Variants in NCALD observed in about 807,000 individuals in gnomAD.
NCALD encodes neurocalcin delta.
In NCALD, 10 loss-of-function variants were observed where a neutral mutation model predicts 18.6. That is an observed-to-expected ratio of 0.54 (90% CI 0.33 to 0.91). The LOEUF (loss-of-function observed/expected upper bound fraction) is 0.91. Among genes scored for constraint, NCALD ranks in the 40% least tolerant of loss-of-function variants. NCALD has a pLI of 0.03. For synonymous variants in NCALD, 88 were observed against 87.4 expected (o/e 1.01, Z -0.04); for missense variants, 184 against 247.6 (o/e 0.74, Z 1.72).
At chr8:101,882,605 T>G (rs1006141968) in intron 4 of NCALD, among the ~76,000 whole-genome samples, 12 of 152,244 alleles carry the variant, frequency 7.9e-5, no homozygotes, top group African/African-American at 2.7e-4. Context: ...ATAATCACTT[T>G]GATTCATACA....
intron 2 of NCALD, among the ~76,000 whole-genome samples, chr8:101,695,199 G>C (rs992370062): frequency 1.3e-5 from 2 of 152,232 alleles, no homozygotes; most frequent in African/African-American, 4.8e-5. Context: ...CCTTAAAGGA[G>C]AGCGCATGGA....
intron 1 of NCALD, among the ~76,000 whole-genome samples, chr8:101,775,138 G>A (rs185967480): frequency 1.7e-4 from 26 of 152,296 alleles, no homozygotes; most frequent in Non-Finnish European, 3.2e-4. Context: ...ATCCACTACA[G>A]GAGTTGTTAG....
intron 1 of NCALD, among the ~76,000 whole-genome samples, chr8:101,722,037 C>T (rs935356373): frequency 6.6e-6 from 1 of 152,002 alleles, no homozygotes; most frequent in African/African-American, 2.4e-5. Context: ...AGATGGGGGT[C>T]TCACTTTGTT....
At chr8:101,859,432 C>G (rs573662500) in intron 4 of NCALD, among the ~76,000 whole-genome samples, 1 of 152,248 alleles carries the variant, frequency 6.6e-6, no homozygotes, top group African/African-American at 2.4e-5. Context: ...TCCTAATAAA[C>G]TCCTCTTCAC....
intron 1 of NCALD, among the ~76,000 whole-genome samples, chr8:101,762,034 T>C (rs921268013): frequency 1.1e-4 from 16 of 152,180 alleles, no homozygotes; most frequent in South Asian, 2.1e-4. Flanking sequence ...GCAATTCTTC[T>C]CCCTTAATTC....
chr8:102,014,759 G>C (rs756148633), intron 2 of NCALD, among the ~76,000 whole-genome samples: 23 of 152,118 alleles, frequency 1.5e-4, no homozygotes, highest in Non-Finnish European at 2.9e-4. Flanking sequence ...GACTTTGAAA[G>C]TTTTTAATCT....
intron 4 of NCALD, among the ~76,000 whole-genome samples, chr8:101,804,498 T>A (rs1170482021): frequency 3.5e-5 from 4 of 115,874 alleles, no homozygotes; most frequent in Non-Finnish European, 6.2e-5. Context: ...ATAATTAATA[T>A]AATTAATTAT....
intron 1 of NCALD, among the ~76,000 whole-genome samples, chr8:102,101,440 A>T (rs509608): frequency 0.31 from 47,417 of 152,178 alleles, 8,781 homozygotes; most frequent in East Asian, 0.56. Context: ...GCCCTCTATA[A>T]ACGAAGGCTG....
At chr8:101,904,266 A>C (rs942416348) in intron 3 of NCALD, among the ~76,000 whole-genome samples, 1 of 152,128 alleles carries the variant, frequency 6.6e-6, no homozygotes, top group Non-Finnish European at 1.5e-5. Context: ...CAATCAGCAA[A>C]GAAGGAGTAT....
intron 4 of NCALD, among the ~76,000 whole-genome samples, chr8:101,813,725 A>C (rs2131153480): frequency 6.6e-6 from 1 of 152,234 alleles, no homozygotes; most frequent in South Asian, 2.1e-4. Flanking sequence ...ACCCTCAGAA[A>C]ATAGAACATC....
At chr8:101,868,163 C>T (rs918734377) in intron 4 of NCALD, among the ~76,000 whole-genome samples, 1 of 152,132 alleles carries the variant, frequency 6.6e-6, no homozygotes, top group Non-Finnish European at 1.5e-5. Context: ...TGGAGGAACA[C>T]TGCTTGTAGA....
chr8:101,840,265 A>T (rs1039581286), intron 4 of NCALD, among the ~76,000 whole-genome samples: 1 of 152,234 alleles, frequency 6.6e-6, no homozygotes, highest in African/African-American at 2.4e-5. Flanking sequence ...AAATAGTGAT[A>T]GAAATGTATG....
chr8:101,969,929 G>C (rs1360134786), intron 2 of NCALD, among the ~76,000 whole-genome samples: 1 of 152,124 alleles, frequency 6.6e-6, no homozygotes, highest in African/African-American at 2.4e-5. Context: ...CTAAGTGTGT[G>C]TGTGTGTGCA....
At chr8:101,843,537 G>A (rs897607232) in intron 4 of NCALD, among the ~76,000 whole-genome samples, 1 of 150,508 alleles carries the variant, frequency 6.6e-6, no homozygotes, top group Non-Finnish European at 1.5e-5. Context: ...CTCTTCTTCT[G>A]TGCTACATTG....
chr8:101,966,302 TA>T (rs1820027806), intron 2 of NCALD, among the ~76,000 whole-genome samples: 1 of 151,778 alleles, frequency 6.6e-6, no homozygotes, highest in African/African-American at 2.4e-5. Flanking sequence ...TATGCAGCCA[TA>T]AAAAAGGATG....
chr8:101,708,335 T>C (rs951885024), intron 2 of NCALD, among the ~76,000 whole-genome samples: 1 of 152,216 alleles, frequency 6.6e-6, no homozygotes, highest in Non-Finnish European at 1.5e-5. Context: ...GTCAAGAATA[T>C]CTCTTCTGTG....
intron 2 of NCALD, among the ~76,000 whole-genome samples, chr8:101,701,801 T>G (rs552466529): frequency 6.6e-6 from 1 of 152,274 alleles, no homozygotes; most frequent in African/African-American, 2.4e-5. Context: ...ACAACAGAAG[T>G]TTGGCAGCAC....
chr8:101,859,364 C>T (rs1198348109), intron 4 of NCALD, among the ~76,000 whole-genome samples: 3 of 152,146 alleles, frequency 2.0e-5, no homozygotes, highest in Non-Finnish European at 4.4e-5. Context: ...TTTCGTTGCT[C>T]CTCGGCTTGC....
At chr8:101,720,403 G>A (rs1376348649) in intron 1 of NCALD, among the ~76,000 whole-genome samples, 1 of 152,096 alleles carries the variant, frequency 6.6e-6, no homozygotes, top group African/African-American at 2.4e-5. Flanking sequence ...CATAGTTATA[G>A]TAACATAGTA....
Sources: gnomAD v4.1 joint callset for allele counts (sites outside exome capture counted in the v4.1 genomes callset) on GRCh38, gnomAD v4.1.1 for gene constraint, MANE v1.5 for transcripts, NCBI Gene and HGNC (gene_info 2026-07-23, HGNC 2026-07-21) for gene names.